THEMIS: variants seen among roughly 807,000 people sequenced by gnomAD.
The protein encoded by THEMIS is protein THEMIS.
A neutral mutation model predicts 52.6 loss-of-function variants in THEMIS; 37 were observed. The observed-to-expected ratio is 0.70, with a 90% CI of 0.54 to 0.93. The LOEUF (loss-of-function observed/expected upper bound fraction) is 0.93. Among genes scored for constraint, THEMIS ranks in the 40% least tolerant of loss-of-function variants. The probability of loss-of-function intolerance (pLI) is 0.00; values close to 1 mark genes in which losing one functional copy is unlikely to be tolerated. For synonymous variants in THEMIS, 292 were observed against 272.7 expected (o/e 1.07, Z -0.70); for missense variants, 808 against 763.1 (o/e 1.06, Z -0.69).
intron 1 of THEMIS, among the ~76,000 whole-genome samples, chr6:127,914,851 G>C (rs1781487564): frequency 6.6e-6 from 1 of 152,084 alleles, no homozygotes; most frequent in African/African-American, 2.4e-5. Context: ...TATTTTGTTT[G>C]AAACAAAGTA....
chr6:127,900,958 C>G lies in THEMIS; in HGVS notation c.-26G>C. ...TGCTATGCCTTGGGTAGTTTGTAGA[C>G]CTGGTGCTCACAGAAACTTGTGGCT... On this transcript the variant is annotated 5_prime_UTR_variant, in exon 1 of 6. Coordinates refer to ENST00000368248, the MANE Select transcript of THEMIS (RefSeq NM_001010923.3). The G allele has an allele frequency of 6.3e-7, 1 of 1,586,938 alleles. No individual in the cohort carries two copies. Among genetic ancestry groups the G allele is most frequent in the Non-Finnish European group, 8.7e-7 (1 of 1,156,062 alleles).
downstream of THEMIS, among the ~76,000 whole-genome samples, chr6:127,707,539 T>C (rs1295230947): frequency 1.3e-5 from 2 of 152,068 alleles, no homozygotes; most frequent in Non-Finnish European, 2.9e-5. Flanking sequence ...ATGACTGAAG[T>C]TTGGACCACA....
intron 4 of THEMIS, among the ~76,000 whole-genome samples, chr6:127,757,881 A>T (rs1257945848): frequency 6.6e-6 from 1 of 152,154 alleles, no homozygotes; most frequent in Non-Finnish European, 1.5e-5. Context: ...GTAGAGAGCG[A>T]TCAGGTAATA....
the THEMIS span, among the ~76,000 whole-genome samples, chr6:127,697,097 G>A: frequency 2.0e-5 from 3 of 152,026 alleles, no homozygotes; most frequent in Non-Finnish European, 4.4e-5. Context: ...ATGCAATTGC[G>A]TGAGGGCTAA....
intron 2 of THEMIS, among the ~76,000 whole-genome samples, chr6:127,843,346 T>C (rs917694160): frequency 6.6e-6 from 1 of 151,892 alleles, no homozygotes; most frequent in African/African-American, 2.4e-5. Flanking sequence ...ACTGTTCATA[T>C]CTGTTATTTC....
intron 1 of THEMIS, among the ~76,000 whole-genome samples, chr6:127,879,985 C>T (rs1173426289): frequency 6.6e-6 from 1 of 152,188 alleles, no homozygotes; most frequent in African/African-American, 2.4e-5. Context: ...ACGCAGGTTA[C>T]AGCCATGCCG....
chr6:127,709,360 G>T lies in THEMIS; in HGVS notation c.*625C>A, dbSNP rs974900434. The T allele has an allele frequency of 2.0e-5, 3 of 151,990 alleles. No homozygotes were observed. Among genetic ancestry groups the T allele is most frequent in the Non-Finnish European group, 4.4e-5 (3 of 67,958 alleles). 9.4% of individuals were successfully genotyped at this position (151,990 alleles called of 1,614,324 possible). A position where few individuals can be genotyped will look rare whatever the true frequency, so the allele number is the denominator to read the frequency against. ...TTGTTGTTGGGTCATAGAAGAGAAG[G>T]TTATGGAAAACTCCTATGACTCTCA... is the stretch of plus-strand genomic sequence containing the variant. On this transcript the variant is annotated 3_prime_UTR_variant, in exon 6 of 6. Transcript: ENST00000368248.
chr6:127,842,096 CAG>C (rs1274917396), intron 2 of THEMIS, among the ~76,000 whole-genome samples: 1 of 151,898 alleles, frequency 6.6e-6, no homozygotes, highest in African/African-American at 2.4e-5. Flanking sequence ...CCCTAAAAAA[CAG>C]AAGATGGAAA....
intron 4 of THEMIS, among the ~76,000 whole-genome samples, chr6:127,768,271 C>T (rs1246699594): frequency 6.6e-6 from 1 of 152,136 alleles, no homozygotes; most frequent in Non-Finnish European, 1.5e-5. Context: ...ATTTGTATTT[C>T]AGGGATTCAG....
chr6:127,835,131 C>A (rs372735592), intron 2 of THEMIS, among the ~76,000 whole-genome samples: 11 of 152,242 alleles, frequency 7.2e-5, no homozygotes, highest in Non-Finnish European at 1.3e-4. Context: ...CTAGAAAGAA[C>A]CTCCACAGAC....
chr6:127,886,532 T>C (rs758682848), intron 1 of THEMIS, among the ~76,000 whole-genome samples: 11 of 152,118 alleles, frequency 7.2e-5, no homozygotes, highest in Non-Finnish European at 1.5e-4. Flanking sequence ...TAAATTCCTG[T>C]TTTTGTTCAC....
chr6:127,898,613 T>C (rs1339544142), intron 1 of THEMIS, among the ~76,000 whole-genome samples: 3 of 151,606 alleles, frequency 2.0e-5, no homozygotes, highest in Non-Finnish European at 4.4e-5. Context: ...CACACAAAAA[T>C]AGAACTACTT....
chr6:127,824,416 G>A (rs1409439175), intron 3 of THEMIS, among the ~76,000 whole-genome samples: 1 of 152,014 alleles, frequency 6.6e-6, no homozygotes, highest in Non-Finnish European at 1.5e-5. Context: ...CTAAATTTGA[G>A]GAATGCTGCA....
At chr6:127,785,373 C>A (rs1224824609) in intron 4 of THEMIS, among the ~76,000 whole-genome samples, 2 of 151,618 alleles carry the variant, frequency 1.3e-5, no homozygotes, top group African/African-American at 4.8e-5. Context: ...CCTTAAGAAA[C>A]AATACTTTCT....
chr6:127,850,582 G>A (rs1276897571), intron 2 of THEMIS, among the ~76,000 whole-genome samples: 2 of 151,888 alleles, frequency 1.3e-5, no homozygotes, highest in Admixed American at 6.6e-5. Flanking sequence ...AATGTCTTTT[G>A]CAGCAACTTG....
chr6:127,890,452 G>A (rs958276213), intron 1 of THEMIS, among the ~76,000 whole-genome samples: 7 of 152,104 alleles, frequency 4.6e-5, no homozygotes, highest in Non-Finnish European at 7.4e-5. Context: ...GGAGAAGGGG[G>A]TGAAGTGAGA....
chr6:127,852,784 C>T (rs1381932920), intron 2 of THEMIS, among the ~76,000 whole-genome samples: 2 of 151,656 alleles, frequency 1.3e-5, no homozygotes, highest in East Asian at 3.9e-4. Flanking sequence ...GGATCCCTTT[C>T]ATCATTATCT....
At chr6:127,719,883 T>A in intron 4 of THEMIS, 60 bp from the exon 5 acceptor site, 1 of 1,582,602 alleles carries the variant, frequency 6.3e-7, no homozygotes, top group Non-Finnish European at 8.6e-7. Flanking sequence ...CATAGAGATA[T>A]GAAAGATTTA....
chr6:127,840,360 A>G (rs1451357408), intron 2 of THEMIS, among the ~76,000 whole-genome samples: 1 of 152,122 alleles, frequency 6.6e-6, no homozygotes, highest in East Asian at 1.9e-4. Flanking sequence ...AAGAATATTT[A>G]ATGACACAGG....
Sources: allele counts gnomAD v4.1 joint callset (sites outside exome capture counted in the v4.1 genomes callset), GRCh38; gene constraint gnomAD v4.1.1; transcripts MANE v1.5; gene names NCBI Gene and HGNC (gene_info 2026-07-23, HGNC 2026-07-21).